DNA2: variants seen among roughly 807,000 people sequenced by gnomAD.
DNA2 encodes DNA replication ATP-dependent helicase/nuclease DNA2.
A neutral mutation model predicts 119.1 loss-of-function variants in DNA2; 101 were observed. That is an observed-to-expected ratio of 0.85 (90% CI 0.72 to 1.00). The LOEUF is 1.00. DNA2 is among the 50% of genes least tolerant of loss of function. The pLI is 0.00. For synonymous variants in DNA2, 366 were observed against 424.4 expected, an observed-to-expected ratio of 0.86 and a Z score of 1.69; for missense variants, 1,121 against 1,255.5, an observed-to-expected ratio of 0.89 and a Z score of 1.62.
chr10:68,464,829 C>CAAAAAAAAAAAAA (rs71009067), intron 4 of DNA2, among the ~76,000 whole-genome samples: 1 of 40,652 alleles, frequency 2.5e-5, no homozygotes, highest in African/African-American at 9.6e-5. Context: ...AACTCCACCT[C>CAAAAAAAAAAAAA]AAAAAAAAAA....
chr10:68,422,210 A>G lies in DNA2; in HGVS notation c.2697+15T>C. On this transcript the variant is annotated intron_variant, in intron 17 of 20. Transcript: ENST00000358410. ...GACAAAATGAGAAAAACTAAACAGA[A>G]ATTTTTTTTTTTACCTTGTCTGTAT... The G allele has an allele frequency of 6.6e-7, 1 of 1,513,276 alleles. No individual in the cohort carries two copies. The highest frequency in any genetic ancestry group is 1.5e-5 in the African/African-American group (1 of 67,476). 93.7% of individuals were successfully genotyped at this position (1,513,276 alleles called of 1,614,324 possible). A position where few individuals can be genotyped will look rare whatever the true frequency, so the allele number is the denominator to read the frequency against.
chr10:68,443,237 T>A, intron 8 of DNA2, 126 bp from the exon 9 acceptor site: 1 of 834,700 alleles, frequency 1.2e-6, no homozygotes, highest in Non-Finnish European at 1.8e-6. Context: ...CAGCCCCTAA[T>A]GTTCCTTAAA....
intron 2 of DNA2, among the ~76,000 whole-genome samples, chr10:68,469,644 T>C (rs1050243837): frequency 6.6e-6 from 1 of 152,016 alleles, no homozygotes; most frequent in Admixed American, 6.6e-5. Flanking sequence ...TTTTTATTTT[T>C]AGTAGAGACT....
At chr10:68,460,377 G>A (rs561507369) in intron 4 of DNA2, among the ~76,000 whole-genome samples, 107 of 151,880 alleles carry the variant, frequency 7.0e-4, no homozygotes, top group Non-Finnish European at 1.4e-3. Flanking sequence ...CCAAAGTGCT[G>A]GGATAACAGG....
chr10:68,456,896 A>T (rs1213419995), intron 5 of DNA2, among the ~76,000 whole-genome samples: 2 of 151,462 alleles, frequency 1.3e-5, no homozygotes, highest in Admixed American at 6.6e-5. Flanking sequence ...GCACTTTGGG[A>T]GGCCAAGGTG....
chr10:68,449,921 C>G lies in DNA2; in HGVS notation c.939+107G>C. 3 of 793,662 alleles carry G rather than the reference C, an allele frequency of 3.8e-6. No homozygotes were observed. In the South Asian group the frequency reaches 5.7e-5, roughly 15 times the overall value. The allele number at this position is 793,662 out of a possible 1,614,324, so 49.2% of individuals were successfully genotyped here. ...CCCAGGAGGCGGAGCTTTCAGTGAGCCAAGACCACGCCACTGCTCTCCAGC... is the reference window on the plus strand; with the variant it reads ...CCCAGGAGGCGGAGCTTTCAGTGAGGCAAGACCACGCCACTGCTCTCCAGC... On this transcript the variant is annotated intron_variant, in intron 6 of 20. Coordinates refer to ENST00000358410, the MANE Select transcript of DNA2 (RefSeq NM_001080449.3).
Position 68,437,474 on chromosome 10 carries a change from T to TAA in DNA2, c.1416-235_1416-234dup, listed in dbSNP as rs764493127. ...AACATGGTGAAAACCCTATCTCTACTAAAAAAAAAAAAATAAAAATAAAAA... is the reference window on the plus strand; with the variant it reads ...AACATGGTGAAAACCCTATCTCTACTAAAAAAAAAAAAAAATAAAAATAAAAA... On this transcript the variant is annotated intron_variant, in intron 9 of 20. Transcript: ENST00000358410. Among the ~76,000 whole-genome samples, 3,749 of 140,548 alleles carry TAA rather than the reference T, an allele frequency of 0.027. 150 individuals are homozygous for TAA. The highest frequency in any genetic ancestry group is 0.1 in the African/African-American group (3,551 of 35,430). 92.2% of individuals were successfully genotyped at this position (140,548 alleles called of 152,430 possible).
rs1389983033 is a variant in DNA2, at chr10:68,443,039, C to T, written c.1293G>A (p.Gln431=). 6.2e-7 allele frequency: 1 copy of T among 1,601,078 alleles called. No individual in the cohort carries two copies. Among genetic ancestry groups the T allele is most frequent in the Non-Finnish European group, 8.5e-7 (1 of 1,173,086 alleles). The change falls in exon 9 of 21, where the codon CAG becomes CAA. Residue 431 remains glutamine (Q), a synonymous_variant. Transcript: ENST00000358410. The part of the protein sequence containing the change: ...VMLPKIEEET[Q]HLKQTHLEYF... ...ATTCTAAGTGTGTTTGCTTCAGATG[C>T]TGGGTTTCTTCTTCTATTTTGGGCA...
chr10:68,428,920 C>CTACA (rs1458163040), intron 14 of DNA2, among the ~76,000 whole-genome samples: 1 of 152,108 alleles, frequency 6.6e-6, no homozygotes, highest in Non-Finnish European at 1.5e-5. Context: ...TGACATTGTA[C>CTACA]TACAGACTTG....
chr10:68,416,061 C>G (rs528594334), intron 20 of DNA2, among the ~76,000 whole-genome samples: 1 of 152,012 alleles, frequency 6.6e-6, no homozygotes, highest in Non-Finnish European at 1.5e-5. Flanking sequence ...ACCTGTGGTC[C>G]CAGATACTCA....
In DNA2 at chr10:68,437,167, A is replaced by G. The variant is rs761482264; in HGVS notation, c.1490T>C (p.Leu497Ser). Residue 497 changes from leucine to serine, a missense_variant, in exon 10 of 21, where the codon TTA becomes TCA. Coordinates refer to ENST00000358410, the MANE Select transcript of DNA2 (RefSeq NM_001080449.3). ...ACCATGTTTACATTGGAAATTATGT[A>G]AATATTGCCCATCACAAACTATCTT... Reference protein sequence around the residue: ...HVKIVCDGQYLHNFQCKHGAI... With the variant: ...HVKIVCDGQYSHNFQCKHGAI... 2.5e-6 allele frequency: 4 copies of G among 1,613,904 alleles called. No homozygotes were observed. The South Asian group carries it at 4.4e-5, about 18-fold the overall frequency.
At chr10:68,470,530 C>A in intron 1 of DNA2, 1 of 433,006 alleles carries the variant, frequency 2.3e-6, no homozygotes, top group South Asian at 1.7e-5. Context: ...GGAAGGACTG[C>A]TTGAGCCCAG....
chr10:68,452,737 A>ATTTT (rs35788452), intron 5 of DNA2, among the ~76,000 whole-genome samples: 7 of 90,144 alleles, frequency 7.8e-5, no homozygotes, highest in African/African-American at 1.2e-4. Flanking sequence ...ACGCCCAGCT[A>ATTTT]TTTTTTTTTT....
intron 19 of DNA2, among the ~76,000 whole-genome samples, chr10:68,417,746 C>G (rs1194712180): frequency 1.3e-5 from 2 of 151,602 alleles, no homozygotes; most frequent in African/African-American, 4.9e-5. Context: ...TTACAACAGC[C>G]AAGGGGTGGA....
At chr10:68,437,846 G>T (rs918001133) in intron 9 of DNA2, among the ~76,000 whole-genome samples, 3 of 151,864 alleles carry the variant, frequency 2.0e-5, no homozygotes, top group South Asian at 2.1e-4. Context: ...GAGTAGCTAG[G>T]ATTACAGGCA....
chr10:68,461,241 A>T (rs1348338511), intron 4 of DNA2, among the ~76,000 whole-genome samples: 1 of 152,240 alleles, frequency 6.6e-6, no homozygotes, highest in African/African-American at 2.4e-5. Context: ...ATGTCGTAAC[A>T]ATATGAATAC....
chr10:68,460,815 G>A (rs1016764083), intron 4 of DNA2, among the ~76,000 whole-genome samples: 3 of 152,054 alleles, frequency 2.0e-5, no homozygotes, highest in South Asian at 4.2e-4. Flanking sequence ...GCAGGCTGAA[G>A]CGGAAGGATC....
chr10:68,443,203 G>A, intron 8 of DNA2, 92 bp from the exon 9 acceptor site: 1 of 1,079,592 alleles, frequency 9.3e-7, no homozygotes, highest in Middle Eastern at 2.1e-4. Context: ...ACACATATAT[G>A]ATCATCATCA....
At chr10:68,443,968 G>C (rs563914497) in intron 8 of DNA2, among the ~76,000 whole-genome samples, 71 of 151,364 alleles carry the variant, frequency 4.7e-4, no homozygotes, top group African/African-American at 1.7e-3. Flanking sequence ...AAGAAAAAAA[G>C]TATTTCGGCA....
Sources: allele counts gnomAD v4.1 joint callset (sites outside exome capture counted in the v4.1 genomes callset), GRCh38; gene constraint gnomAD v4.1.1; transcripts MANE v1.5; gene names NCBI Gene and HGNC (gene_info 2026-07-23, HGNC 2026-07-21).